The following PACRG variants were observed in gnomAD, a reference collection of about 807,000 sequenced individuals.
PACRG encodes the protein parkin coregulated gene protein.
In PACRG, 29 loss-of-function variants were observed where a neutral mutation model predicts 29.7. That is an observed-to-expected ratio of 0.98 (90% CI 0.73 to 1.33). The LOEUF (loss-of-function observed/expected upper bound fraction) is 1.33, where lower values mean the gene tolerates loss of function less well. Ranked by LOEUF, PACRG falls within the 40% of genes most tolerant of loss-of-function variation. The probability of loss-of-function intolerance (pLI) is 0.00; values close to 1 mark genes in which losing one functional copy is unlikely to be tolerated. For synonymous variants in PACRG, 116 were observed against 118.7 expected (o/e 0.98, Z 0.15); for missense variants, 279 against 316.2 (o/e 0.88, Z 0.89).
chr6:162,883,808 A>G (rs999934987), intron 2 of PACRG, among the ~76,000 whole-genome samples: 1 of 151,968 alleles, frequency 6.6e-6, no homozygotes, highest in Non-Finnish European at 1.5e-5. Context: ...TTCCACATAG[A>G]ACTTTTGAGT....
At chr6:162,814,331 T>C (rs776769981) in intron 2 of PACRG, 50 bp downstream of exon 2, 2 of 1,602,820 alleles carry the variant, frequency 1.2e-6, no homozygotes, top group East Asian at 2.2e-5. Flanking sequence ...TGAAGTGACA[T>C]CTCCCAATGC....
chr6:163,168,408 C>T (rs985656453), intron 4 of PACRG, among the ~76,000 whole-genome samples: 14 of 148,294 alleles, frequency 9.4e-5, no homozygotes, highest in Admixed American at 8.7e-4. Context: ...GCCGGGGTTG[C>T]GGGTTGGGGG....
At position 162,777,209 on chromosome 6, in the gene PACRG, C is replaced by G. The variant is rs1241391782; in HGVS notation, c.157-36938C>G. 6.6e-6 allele frequency among the ~76,000 whole-genome samples: 1 copy of G among 152,218 alleles called. No homozygotes were observed. The highest frequency in any genetic ancestry group is 1.5e-5 in the Non-Finnish European group (1 of 68,046). On this transcript the variant is annotated intron_variant, in intron 1 of 4. Transcript: ENST00000366888. This position sits in a 1 kb window ranked among gnomAD's most constrained non-coding sequence, Gnocchi z 4.0. ...GCCTCTTCAAAAGTTCAGTATCAGA[C>G]TCACTTGGCTCCCTCGTGCCGGCTG...
intron 4 of PACRG, among the ~76,000 whole-genome samples, chr6:163,236,434 T>C (rs1285783464): frequency 6.6e-6 from 1 of 152,210 alleles, no homozygotes; most frequent in Non-Finnish European, 1.5e-5. Flanking sequence ...TTCTACGTAT[T>C]CCTAAGCATA....
At chr6:162,958,894 G>A (rs1360794612) in intron 2 of PACRG, among the ~76,000 whole-genome samples, 1 of 27,018 alleles carries the variant, frequency 3.7e-5, no homozygotes, top group Non-Finnish European at 7.4e-5. Context: ...TAGAGAGAGA[G>A]AGAGAGAGAG....
chr6:162,962,100 CT>C (rs1311820207), intron 2 of PACRG, among the ~76,000 whole-genome samples: 1 of 152,172 alleles, frequency 6.6e-6, no homozygotes. Context: ...CAAGTGCCCC[CT>C]CTTCTCTGAA....
intron 2 of PACRG, among the ~76,000 whole-genome samples, chr6:163,058,067 A>G (rs1562874509): frequency 6.6e-6 from 1 of 152,230 alleles, no homozygotes; most frequent in Non-Finnish European, 1.5e-5. Context: ...AAAAATACTC[A>G]TAAATGGTTT....
chr6:162,767,908 A>G (rs996029308), intron 1 of PACRG, among the ~76,000 whole-genome samples: 3 of 152,032 alleles, frequency 2.0e-5, no homozygotes, highest in African/African-American at 7.2e-5. Context: ...CAGTGTAGGA[A>G]ATGTTAGAAT....
intron 4 of PACRG, among the ~76,000 whole-genome samples, chr6:163,277,989 C>G (rs1277225300): frequency 1.3e-5 from 2 of 152,062 alleles, no homozygotes; most frequent in Non-Finnish European, 2.9e-5. Flanking sequence ...CACATCCATA[C>G]CAGCATCTAT....
chr6:163,139,022 C>A (rs1294307320), intron 4 of PACRG, among the ~76,000 whole-genome samples: 1 of 152,232 alleles, frequency 6.6e-6, no homozygotes, highest in Non-Finnish European at 1.5e-5. Flanking sequence ...ATATTAGTTT[C>A]CTGTGGCTGC....
At chr6:162,733,328 C>T (rs958238781) in intron 1 of PACRG, among the ~76,000 whole-genome samples, 9 of 152,126 alleles carry the variant, frequency 5.9e-5, no homozygotes, top group Admixed American at 6.6e-5. Flanking sequence ...GTAAATTCTC[C>T]GTGAGGGCAG....
chr6:163,213,014 G>C (rs1032032649), intron 4 of PACRG, among the ~76,000 whole-genome samples: 3 of 152,094 alleles, frequency 2.0e-5, no homozygotes, highest in African/African-American at 7.2e-5. Context: ...TCCTGACCTC[G>C]TGATCCACCC....
chr6:162,902,313 T>G (rs541881463), intron 2 of PACRG, among the ~76,000 whole-genome samples: 23 of 152,224 alleles, frequency 1.5e-4, no homozygotes, highest in African/African-American at 5.3e-4. Context: ...CTCTAAAGAG[T>G]AATTTGAGTG....
At chr6:163,015,187 A>C (rs1292476038) in intron 2 of PACRG, among the ~76,000 whole-genome samples, 1 of 152,032 alleles carries the variant, frequency 6.6e-6, no homozygotes, top group Non-Finnish European at 1.5e-5. Flanking sequence ...TGGGTTCTCT[A>C]TTGTGTTCCA....
intron 4 of PACRG, chr6:163,244,949 G>A (rs1309830908): frequency 2.5e-6 from 1 of 400,834 alleles, no homozygotes; most frequent in Non-Finnish European, 5.0e-6. Flanking sequence ...GTAACCCATC[G>A]ACAAAGAAGT....
At chr6:162,806,282 A>G (rs1786319665) in intron 1 of PACRG, among the ~76,000 whole-genome samples, 1 of 151,764 alleles carries the variant, frequency 6.6e-6, no homozygotes, top group Non-Finnish European at 1.5e-5. Flanking sequence ...CTAATTTTGT[A>G]TTTTTAGTAG....
intron 2 of PACRG, among the ~76,000 whole-genome samples, chr6:162,933,992 G>A (rs756427829): frequency 5.3e-5 from 8 of 152,110 alleles, no homozygotes; most frequent in Non-Finnish European, 8.8e-5. Context: ...AACTGGGCGC[G>A]GTGGCTCACG....
At chr6:162,961,807 TA>T in intron 2 of PACRG, among the ~76,000 whole-genome samples, 1 of 152,166 alleles carries the variant, frequency 6.6e-6, no homozygotes, top group Admixed American at 6.5e-5. Context: ...ATGATGCATC[TA>T]AGCTGTGAGC....
At chr6:162,958,872 TATATATATATATAGAGAGAGAGAGAG>T (rs1447391033) in intron 2 of PACRG, among the ~76,000 whole-genome samples, 2,803 of 60,372 alleles carry the variant, frequency 0.046, 31 homozygotes, top group Middle Eastern at 0.073. Flanking sequence ...TATATATATA[TATATATATATATAGAGAGAGAGAGAG>T]AGAGAGAGAG....
Sources: gnomAD v4.1 joint callset for allele counts (sites outside exome capture counted in the v4.1 genomes callset) on GRCh38, gnomAD v4.1.1 for gene constraint, Gnocchi (gnomAD v3.1) non-coding constraint, MANE v1.5 for transcripts, NCBI Gene and HGNC (gene_info 2026-07-23, HGNC 2026-07-21) for gene names.